The following FBXO32 variants were observed in gnomAD, a reference collection of about 807,000 sequenced individuals.
FBXO32 encodes the protein F-box protein 32.
FBXO32 carries 15 observed loss-of-function variants against 48.3 expected under a neutral mutation model. The observed-to-expected ratio is 0.31, with a 90% CI of 0.21 to 0.48. The LOEUF is 0.48. Ranked by LOEUF, FBXO32 falls within the 20% of genes least tolerant of loss-of-function variation. FBXO32 has a pLI of 0.99. For missense variants in FBXO32, 309 were observed against 432.7 expected, an observed-to-expected ratio of 0.71 and a Z score of 2.54; for synonymous variants, 154 against 165.9, an observed-to-expected ratio of 0.93 and a Z score of 0.55.
chr8:123,526,648 C>T (rs1455310980), intron 4 of FBXO32, among the ~76,000 whole-genome samples: 1 of 152,182 alleles, frequency 6.6e-6, no homozygotes, highest in Non-Finnish European at 1.5e-5. Flanking sequence ...AGTTCTACTC[C>T]TACTCAAGAC....
intron 6 of FBXO32, among the ~76,000 whole-genome samples, chr8:123,512,021 G>A (rs1206412968): frequency 6.6e-6 from 1 of 152,184 alleles, no homozygotes; most frequent in African/African-American, 2.4e-5. Flanking sequence ...GCCTACACTT[G>A]AGATGTGGGA....
chr8:123,532,274 A>G (rs1376194560), intron 3 of FBXO32: 1 of 929,596 alleles, frequency 1.1e-6, no homozygotes, highest in East Asian at 5.9e-5. Context: ...TCCACATATT[A>G]GTCTGGAAAA....
At chr8:123,507,426 ACT>A (rs1816648937) in intron 6 of FBXO32, among the ~76,000 whole-genome samples, 1 of 144,414 alleles carries the variant, frequency 6.9e-6, no homozygotes. Flanking sequence ...TAACACAGAG[ACT>A]CTGTGCTAGG....
At chr8:123,517,856 T>C (rs1161322109) in intron 4 of FBXO32, among the ~76,000 whole-genome samples, 1 of 152,176 alleles carries the variant, frequency 6.6e-6, no homozygotes, top group East Asian at 1.9e-4. Flanking sequence ...TATTATAAGA[T>C]ATTATTTCTT....
chr8:123,511,678 G>A (rs1816738407), intron 6 of FBXO32, among the ~76,000 whole-genome samples: 1 of 152,090 alleles, frequency 6.6e-6, no homozygotes, highest in Non-Finnish European at 1.5e-5. Flanking sequence ...GTTTCACAAT[G>A]TTGGTCAGGC....
chr8:123,538,958 C>T (rs1817361585), intron 1 of FBXO32, among the ~76,000 whole-genome samples: 1 of 152,136 alleles, frequency 6.6e-6, no homozygotes, highest in Admixed American at 6.5e-5. Context: ...GAGAGTGACA[C>T]CAGTTTCTCT....
intron 6 of FBXO32, among the ~76,000 whole-genome samples, chr8:123,511,450 C>G (rs1563920744): frequency 6.6e-6 from 1 of 150,858 alleles, no homozygotes; most frequent in Non-Finnish European, 1.5e-5. Context: ...AGGCAAGCTC[C>G]AGGCAAATGT....
At chr8:123,524,133 C>G (rs900325982) in intron 4 of FBXO32, among the ~76,000 whole-genome samples, 1 of 152,092 alleles carries the variant, frequency 6.6e-6, no homozygotes, top group African/African-American at 2.4e-5. Context: ...CCATGGGAAC[C>G]CTAATTTCTG....
rs1158992778 is a variant in FBXO32, at chr8:123,541,047, C to G, written c.-33G>C. On this transcript the variant is annotated 5_prime_UTR_variant, in exon 1 of 9. Coordinates refer to ENST00000517956, the MANE Select transcript of FBXO32 (RefSeq NM_058229.4). ...CGAGCGGACTAGACGGATGGGGAGA[C>G]GGGGCCGGCCTGGTGGGCTCGGGGA... The G allele has an allele frequency of 1.4e-6, 2 of 1,473,750 alleles. No individual in the cohort carries two copies. Among genetic ancestry groups the G allele is most frequent in the Middle Eastern group, 1.9e-4 (1 of 5,214 alleles). 91.3% of individuals were successfully genotyped at this position (1,473,750 alleles called of 1,614,324 possible).
intron 6 of FBXO32, among the ~76,000 whole-genome samples, chr8:123,511,970 G>C (rs1816744275): frequency 6.6e-6 from 1 of 152,186 alleles, no homozygotes; most frequent in Non-Finnish European, 1.5e-5. Context: ...TGAGAGATAA[G>C]TTGGGAACTT....
In FBXO32 at chr8:123,540,037, G is replaced by A. The variant is rs760804507; in HGVS notation, c.116+862C>T. Among the ~76,000 whole-genome samples the A allele has an allele frequency of 1.3e-5, 2 of 152,192 alleles. No homozygotes were observed. The highest frequency in any genetic ancestry group is 2.9e-5 in the Non-Finnish European group (2 of 68,040). ...TGGCATCGTTAGCCAAGCTGAGCAG[G>A]GAGCGCAGCGGACCTCAGGTTTCCC... On this transcript the variant is annotated intron_variant, in intron 1 of 8. Transcript: ENST00000517956. This position sits in a 1 kb window ranked among gnomAD's most constrained non-coding sequence, Gnocchi z 6.4.
At chr8:123,503,962 C>T (rs1023687073) in intron 8 of FBXO32, among the ~76,000 whole-genome samples, 2 of 151,906 alleles carry the variant, frequency 1.3e-5, no homozygotes, top group African/African-American at 2.4e-5. Context: ...GCCTGTAGTC[C>T]CAGATACTCG....
rs1586984430 is a variant in FBXO32, at chr8:123,500,316, C to G, written c.*3057G>C. On this transcript the variant is annotated 3_prime_UTR_variant, in exon 9 of 9. Coordinates refer to ENST00000517956, the MANE Select transcript of FBXO32 (RefSeq NM_058229.4). Reference sequence around the variant, plus strand: ...TGCTCATACTGCCCTGGGCAGAACTCTTTCCTTCTTTGGAAGTCTGAATTA... The same window carrying G: ...TGCTCATACTGCCCTGGGCAGAACTGTTTCCTTCTTTGGAAGTCTGAATTA... 1 of 152,202 alleles carries G rather than the reference C, an allele frequency of 6.6e-6. No homozygotes were observed. Among genetic ancestry groups the G allele is most frequent in the African/African-American group, 2.4e-5 (1 of 41,442 alleles). The allele number at this position is 152,202 out of a possible 1,614,324, so 9.4% of individuals were successfully genotyped here.
At chr8:123,508,360 G>A (rs887510511) in intron 6 of FBXO32, among the ~76,000 whole-genome samples, 1 of 152,166 alleles carries the variant, frequency 6.6e-6, no homozygotes, top group Non-Finnish European at 1.5e-5. Context: ...GCAGTGGCAA[G>A]GGGCCTTGGG....
intron 4 of FBXO32, among the ~76,000 whole-genome samples, 175 bp downstream of exon 4, chr8:123,531,723 T>G (rs1817213744): frequency 6.6e-6 from 1 of 152,208 alleles, no homozygotes; most frequent in African/African-American, 2.4e-5. Flanking sequence ...AGGACTCACT[T>G]AAGAACTTGA....
chr8:123,534,667 C>T, intron 2 of FBXO32, 35 bp downstream of exon 2: 1 of 1,410,688 alleles, frequency 7.1e-7, no homozygotes. Flanking sequence ...TATCTTCAAA[C>T]AGCTTTTTTC....
intron 3 of FBXO32, 87 bp from the exon 4 acceptor site, chr8:123,532,077 G>T: frequency 6.4e-7 from 1 of 1,568,396 alleles, no homozygotes; most frequent in Non-Finnish European, 8.6e-7. Flanking sequence ...CAACCCAACT[G>T]GATTTTGCCG....
chr8:123,533,120 C>A (rs1817242594), intron 3 of FBXO32, 71 bp downstream of exon 3: 1 of 1,177,960 alleles, frequency 8.5e-7, no homozygotes, highest in Non-Finnish European at 1.3e-6. Context: ...TCCCTCCCTA[C>A]CATATCCCTC....
At chr8:123,518,760 T>C (rs755465431) in intron 4 of FBXO32, among the ~76,000 whole-genome samples, 1 of 152,174 alleles carries the variant, frequency 6.6e-6, no homozygotes. Context: ...CCTAAAGCCA[T>C]ACCAGCAGTA....
Sources: gnomAD v4.1 joint callset for allele counts (sites outside exome capture counted in the v4.1 genomes callset) on GRCh38, gnomAD v4.1.1 for gene constraint, Gnocchi (gnomAD v3.1) non-coding constraint, MANE v1.5 for transcripts, NCBI Gene and HGNC (gene_info 2026-07-23, HGNC 2026-07-21) for gene names.